WWC2: variants seen among roughly 807,000 people sequenced by gnomAD.
WWC2 encodes protein WWC2.
WWC2 carries 101 observed loss-of-function variants against 138.5 expected under a neutral mutation model. That is an observed-to-expected ratio of 0.73 (90% CI 0.62 to 0.86). The LOEUF (loss-of-function observed/expected upper bound fraction) is 0.86, where lower values mean the gene tolerates loss of function less well. Among genes scored for constraint, WWC2 ranks in the 40% least tolerant of loss-of-function variants. The pLI, the probability that WWC2 is intolerant of heterozygous loss-of-function variation, is 0.00. For synonymous variants in WWC2, 558 were observed against 538.4 expected (o/e 1.04, Z -0.50); for missense variants, 1,420 against 1,419.4 (o/e 1.00, Z -0.01).
At chr4:183,131,731 A>G (rs1256591879) in intron 1 of WWC2, among the ~76,000 whole-genome samples, 1 of 152,142 alleles carries the variant, frequency 6.6e-6, no homozygotes, top group Non-Finnish European at 1.5e-5. Flanking sequence ...GTGCTTGCGC[A>G]TTTTGTTTTT....
At chr4:183,304,765 T>C (rs1738969079) in intron 21 of WWC2, among the ~76,000 whole-genome samples, 1 of 152,186 alleles carries the variant, frequency 6.6e-6, no homozygotes, top group Non-Finnish European at 1.5e-5. Flanking sequence ...TATAGAACAC[T>C]TGCCTTCTTT....
intron 5 of WWC2, among the ~76,000 whole-genome samples, chr4:183,244,462 G>A (rs1736711461): frequency 1.3e-5 from 2 of 152,064 alleles, no homozygotes; most frequent in South Asian, 4.1e-4. Context: ...TTCAATATGA[G>A]TTGAGAAATG....
At chr4:183,158,901 A>T (rs1437717133) in intron 1 of WWC2, among the ~76,000 whole-genome samples, 1 of 152,162 alleles carries the variant, frequency 6.6e-6, no homozygotes, top group African/African-American at 2.4e-5. Context: ...CTTATGTCAG[A>T]TGGAAAGTTA....
At chr4:183,232,056 G>A (rs797009845) in intron 4 of WWC2, among the ~76,000 whole-genome samples, 8 of 152,306 alleles carry the variant, frequency 5.3e-5, no homozygotes, top group African/African-American at 1.7e-4. Context: ...ACAAAAGAGC[G>A]TGTCGGCCTG....
At chr4:183,232,935 A>G (rs916536569) in intron 4 of WWC2, among the ~76,000 whole-genome samples, 2 of 152,040 alleles carry the variant, frequency 1.3e-5, no homozygotes, top group Non-Finnish European at 2.9e-5. Flanking sequence ...GGCGTGATCC[A>G]TTGCGTCCAG....
intron 1 of WWC2, among the ~76,000 whole-genome samples, chr4:183,126,849 C>T (rs1732775300): frequency 6.6e-6 from 1 of 151,820 alleles, no homozygotes; most frequent in South Asian, 2.1e-4. Flanking sequence ...CTGCCTCAGC[C>T]TCCTGAGTAA....
In WWC2 at chr4:183,208,003, A is replaced by C. The variant is rs761898788; in HGVS notation, c.292A>C (p.Lys98Gln). ...PRKQWRGEQEKMLKDYLSVAQ... is the reference protein window; with the variant it reads ...PRKQWRGEQEQMLKDYLSVAQ... ...AAAACAATGGAGGGGGGAACAGGAG[A>C]AGATGCTCAAGGACTACCTCTCTGT... The change falls in exon 3 of 23, where the codon AAG (lysine) becomes CAG (glutamine). Residue 98 changes from lysine (K) to glutamine (Q), a missense_variant. Lys to Gln is a moderately conservative substitution (Grantham distance 53, BLOSUM62 1). Coordinates refer to ENST00000403733, the MANE Select transcript of WWC2 (RefSeq NM_024949.6). The C allele has an allele frequency of 3.1e-6, 5 of 1,613,534 alleles. No homozygotes were observed. The highest frequency in any genetic ancestry group is 1.7e-5 in the Admixed American group (1 of 59,980).
In WWC2 at chr4:183,312,521, G is replaced by A. The variant is rs917869599; in HGVS notation, c.3512+53G>A. On this transcript the variant is annotated intron_variant, in intron 22 of 22. Transcript: ENST00000403733. Reference sequence around the variant, plus strand: ...TGGGTTGCCCTCACGGGGTCTGATTGTGTAGGAATTCACCTCAGTGCAGTG... The same window carrying A: ...TGGGTTGCCCTCACGGGGTCTGATTATGTAGGAATTCACCTCAGTGCAGTG... 1.2e-5 allele frequency: 19 copies of A among 1,607,162 alleles called. No individual in the cohort carries two copies. In the African/African-American group the frequency reaches 2.1e-4, roughly 18 times the overall value.
intron 1 of WWC2, among the ~76,000 whole-genome samples, chr4:183,138,779 G>GT (rs1733201144): frequency 6.6e-6 from 1 of 152,174 alleles, no homozygotes; most frequent in South Asian, 2.1e-4. Context: ...ACAAAGGCAA[G>GT]TTTTTTGTTT....
intron 2 of WWC2, 33 bp from the exon 3 acceptor site, chr4:183,207,920 T>C: frequency 6.4e-7 from 1 of 1,553,152 alleles, no homozygotes; most frequent in East Asian, 2.3e-5. Context: ...CAAAGTTAAA[T>C]TCTAAAAAGT....
In WWC2 at chr4:183,282,938, A is replaced by G. The variant is rs747015185; in HGVS notation, c.2883+32A>G. ...ATTCCGCTGTGCTGTCTTAAAACTGATACCTTACAGGCACCATGTGGACTA... is the reference window on the plus strand; with the variant it reads ...ATTCCGCTGTGCTGTCTTAAAACTGGTACCTTACAGGCACCATGTGGACTA... On this transcript the variant is annotated intron_variant, in intron 18 of 22. Transcript: ENST00000403733. 11 of 1,535,116 alleles carry G rather than the reference A, an allele frequency of 7.2e-6. No homozygotes were observed. The African/African-American group carries it at 1.5e-4, about 21-fold the overall frequency.
intron 6 of WWC2, among the ~76,000 whole-genome samples, chr4:183,246,252 C>G (rs1045748531): frequency 6.6e-6 from 1 of 152,172 alleles, no homozygotes; most frequent in Non-Finnish European, 1.5e-5. Context: ...TGTCTCTCTT[C>G]CTCTCCTTCC....
At chr4:183,284,111 C>T in intron 18 of WWC2, 115 bp from the exon 19 acceptor site, 1 of 1,251,478 alleles carries the variant, frequency 8.0e-7, no homozygotes, top group Non-Finnish European at 1.1e-6. Flanking sequence ...TAGGAGTGGC[C>T]ATAGTGCTCC....
At chr4:183,145,414 A>G (rs1308554323) in intron 1 of WWC2, among the ~76,000 whole-genome samples, 2 of 152,228 alleles carry the variant, frequency 1.3e-5, no homozygotes, top group East Asian at 1.9e-4. Flanking sequence ...TATCCATATT[A>G]TCAATATTTT....
At position 183,262,791 on chromosome 4, in the gene WWC2, C is replaced by CGTGT. The variant is rs775112873; in HGVS notation, c.1909+1272_1909+1275dup. On this transcript the variant is annotated intron_variant, in intron 11 of 22. Transcript: ENST00000403733. ...TACGGTGTGTGTGCGTGCGTGCGTG[C>CGTGT]GTGTGTGTGTGTGTGTTAGGGGGTG... Among the ~76,000 whole-genome samples, 6 of 149,836 alleles carry CGTGT rather than the reference C, an allele frequency of 4.0e-5. No individual in the cohort carries two copies. In the South Asian group the frequency reaches 6.3e-4, roughly 16 times the overall value.
intron 9 of WWC2, among the ~76,000 whole-genome samples, chr4:183,258,063 C>T (rs1352134511): frequency 6.6e-6 from 1 of 152,138 alleles, no homozygotes; most frequent in African/African-American, 2.4e-5. Flanking sequence ...CACATTCTGA[C>T]GTCATCCTGG....
chr4:183,207,924 A>G (rs757484224), intron 2 of WWC2, 29 bp from the exon 3 acceptor site: 143 of 1,562,634 alleles, frequency 9.2e-5, no homozygotes, highest in East Asian at 5.0e-4. Flanking sequence ...GTTAAATTCT[A>G]AAAAGTACCC....
chr4:183,235,881 A>AT (rs1463290520), intron 4 of WWC2, among the ~76,000 whole-genome samples: 3 of 152,164 alleles, frequency 2.0e-5, no homozygotes, highest in African/African-American at 7.2e-5. Flanking sequence ...AATCCAAATG[A>AT]TTTTTTGTGT....
intron 1 of WWC2, among the ~76,000 whole-genome samples, chr4:183,134,540 A>G (rs1225567576): frequency 1.3e-5 from 2 of 152,178 alleles, no homozygotes; most frequent in South Asian, 2.1e-4. Context: ...TTCTGGCTTT[A>G]CAGACAACTG....
Sources: allele counts gnomAD v4.1 joint callset (sites outside exome capture counted in the v4.1 genomes callset), GRCh38; gene constraint gnomAD v4.1.1; transcripts MANE v1.5; gene names NCBI Gene and HGNC (gene_info 2026-07-23, HGNC 2026-07-21).